The following GTF2E2 variants were observed in gnomAD, a reference collection of about 807,000 sequenced individuals.
The protein encoded by GTF2E2 is transcription initiation factor IIE subunit beta.
Under a neutral mutation model 40.5 loss-of-function variants are expected in GTF2E2, and 21 were observed. The observed-to-expected ratio is 0.52, with a 90% CI of 0.37 to 0.75. The LOEUF is 0.75. Among genes scored for constraint, GTF2E2 ranks in the 30% least tolerant of loss-of-function variants. The pLI, the probability that GTF2E2 is intolerant of heterozygous loss-of-function variation, is 0.00. For synonymous variants in GTF2E2, 117 were observed against 121.6 expected, an observed-to-expected ratio of 0.96 and a Z score of 0.25; for missense variants, 298 against 338.4, an observed-to-expected ratio of 0.88 and a Z score of 0.94.
chr8:30,605,548 GTTTT>G (rs1554554890), intron 6 of GTF2E2, among the ~76,000 whole-genome samples: 1 of 151,726 alleles, frequency 6.6e-6, no homozygotes, highest in Non-Finnish European at 1.5e-5. Context: ...CTTGTGATAG[GTTTT>G]TTTAAGTACT....
chr8:30,616,200 G>T (rs1266977402), intron 3 of GTF2E2, among the ~76,000 whole-genome samples: 13 of 152,118 alleles, frequency 8.5e-5, no homozygotes, highest in Non-Finnish European at 1.5e-4. Flanking sequence ...CCAGCACTTT[G>T]GGAAAACGAA....
chr8:30,585,772 TAAAAAAAA>T (rs146018850), intron 6 of GTF2E2, among the ~76,000 whole-genome samples: 4 of 67,620 alleles, frequency 5.9e-5, no homozygotes, highest in Non-Finnish European at 1.1e-4. Context: ...CTTTGCCCTT[TAAAAAAAA>T]AAAAAAAAAA....
chr8:30,625,577 G>C (rs1170835437), intron 3 of GTF2E2, among the ~76,000 whole-genome samples: 1 of 152,108 alleles, frequency 6.6e-6, no homozygotes, highest in African/African-American at 2.4e-5. Context: ...TGTGCAAGTA[G>C]GGCTATGTTC....
At chr8:30,640,552 T>G (rs1043520020) in intron 2 of GTF2E2, among the ~76,000 whole-genome samples, 2 of 152,200 alleles carry the variant, frequency 1.3e-5, no homozygotes, top group Non-Finnish European at 2.9e-5. Context: ...AAGGCATGGG[T>G]AGGGAAGTCC....
At chr8:30,636,565 G>A (rs1242674892) in intron 2 of GTF2E2, among the ~76,000 whole-genome samples, 2 of 152,150 alleles carry the variant, frequency 1.3e-5, no homozygotes, top group East Asian at 3.9e-4. Context: ...TTAATTAATT[G>A]GCACACTGAA....
chr8:30,626,811 G>A (rs545537648), intron 3 of GTF2E2, among the ~76,000 whole-genome samples: 9 of 152,318 alleles, frequency 5.9e-5, no homozygotes, highest in Admixed American at 4.6e-4. Context: ...GTAATCCAAA[G>A]AGTCCTATTC....
intron 6 of GTF2E2, among the ~76,000 whole-genome samples, chr8:30,595,435 T>G (rs1206083889): frequency 6.6e-6 from 1 of 152,238 alleles, no homozygotes; most frequent in Non-Finnish European, 1.5e-5. Flanking sequence ...TACCTCTTCT[T>G]CCTGAACAAC....
At chr8:30,630,839 T>C (rs564264746) in intron 3 of GTF2E2, among the ~76,000 whole-genome samples, 20 of 152,256 alleles carry the variant, frequency 1.3e-4, no homozygotes, top group African/African-American at 4.1e-4. Context: ...TGGCCCCTGC[T>C]GGAACATTCT....
intron 3 of GTF2E2, among the ~76,000 whole-genome samples, chr8:30,622,113 TC>T (rs1411924109): frequency 0.036 from 1,179 of 32,952 alleles, 21 homozygotes; most frequent in South Asian, 0.048. Context: ...CCTAATGCTA[TC>T]CCTCCCCCCT....
intron 3 of GTF2E2, 87 bp from the exon 4 acceptor site, chr8:30,614,802 A>G (rs1278487523): frequency 1.4e-6 from 1 of 715,610 alleles, no homozygotes; most frequent in Non-Finnish European, 2.4e-6. Context: ...AACCTTCAGG[A>G]ATGAAAAACA....
intron 2 of GTF2E2, chr8:30,643,675 AGAC>A (rs1424022124): frequency 2.0e-5 from 3 of 151,074 alleles, no homozygotes; most frequent in African/African-American, 7.3e-5. Flanking sequence ...AAAAAAAAAA[AGAC>A]AGTACATGGG....
chr8:30,582,324 C>T (rs1046884569), intron 6 of GTF2E2, among the ~76,000 whole-genome samples: 24 of 152,152 alleles, frequency 1.6e-4, no homozygotes, highest in Non-Finnish European at 3.1e-4. Context: ...CATGTCTGGC[C>T]TATATTTTTC....
intron 2 of GTF2E2, among the ~76,000 whole-genome samples, chr8:30,649,287 A>C (rs1468890458): frequency 6.6e-6 from 1 of 152,068 alleles, no homozygotes; most frequent in Non-Finnish European, 1.5e-5. Context: ...GAAGTAGCTA[A>C]ATAATTTCAG....
chr8:30,623,297 T>C lies in GTF2E2; in HGVS notation c.259-8582A>G, dbSNP rs565585521. Among the ~76,000 whole-genome samples the C allele has an allele frequency of 3.3e-5, 5 of 152,162 alleles. No individual in the cohort carries two copies. In the South Asian group the frequency reaches 1.0e-3, roughly 32 times the overall value. On this transcript the variant is annotated intron_variant, in intron 3 of 7. Transcript: ENST00000355904. ...ACCTATGAGTGAGAACATGCAGTGT[T>C]TGGTTTTTCGTCCTTGCGATAGTTT...
At position 30,630,445 on chromosome 8, in the gene GTF2E2, T is replaced by A. The variant is rs1199483592; in HGVS notation, c.258+4587A>T. 2.6e-5 allele frequency among the ~76,000 whole-genome samples: 4 copies of A among 152,188 alleles called. No homozygotes were observed. The East Asian group carries it at 7.7e-4, about 29-fold the overall frequency. On this transcript the variant is annotated intron_variant, in intron 3 of 7. Coordinates refer to ENST00000355904, the MANE Select transcript of GTF2E2 (RefSeq NM_002095.6). Reference sequence around the variant, plus strand: ...TCATTCTTATTAAGCAATTAAACAGTTTCCCTATTAAATGAATCAACTATA... The same window carrying A: ...TCATTCTTATTAAGCAATTAAACAGATTCCCTATTAAATGAATCAACTATA...
rs200313860 is a variant in GTF2E2, at chr8:30,655,816, C to CT, written c.-5+2156dup. Among the ~76,000 whole-genome samples the CT allele has an allele frequency of 4.1e-3, 617 of 150,564 alleles. 7 individuals are homozygous for CT. Among genetic ancestry groups the CT allele is most frequent in the African/African-American group, 0.013 (530 of 41,054 alleles). ...CTTCTCTCAGTTTCAATTTTTTTTT[C>CT]TTTTTTTTTGAGACAGAGTCTCGCT... is the stretch of plus-strand genomic sequence containing the variant. On this transcript the variant is annotated intron_variant, in intron 1 of 7. Coordinates refer to ENST00000355904, the MANE Select transcript of GTF2E2 (RefSeq NM_002095.6).
intron 2 of GTF2E2, 35 bp from the exon 3 acceptor site, chr8:30,635,158 ATG>A (rs1801554807): frequency 1.8e-6 from 2 of 1,118,886 alleles, no homozygotes; most frequent in East Asian, 4.7e-5. Context: ...TCGTCATATT[ATG>A]TGTGATTATG....
intron 3 of GTF2E2, among the ~76,000 whole-genome samples, chr8:30,629,366 A>G (rs2151143068): frequency 6.6e-6 from 1 of 152,256 alleles, no homozygotes; most frequent in African/African-American, 2.4e-5. Flanking sequence ...GTGATTCTCA[A>G]ACTTCAGCAT....
chr8:30,624,276 C>T (rs1458384194), intron 3 of GTF2E2, among the ~76,000 whole-genome samples: 6 of 152,106 alleles, frequency 3.9e-5, no homozygotes, highest in African/African-American at 1.5e-4. Flanking sequence ...GGAATCCTTT[C>T]CTCATTGCTT....
Sources: gnomAD v4.1 joint callset for allele counts (sites outside exome capture counted in the v4.1 genomes callset) on GRCh38, gnomAD v4.1.1 for gene constraint, MANE v1.5 for transcripts, NCBI Gene and HGNC (gene_info 2026-07-23, HGNC 2026-07-21) for gene names.